The following ADAM23 variants were observed in gnomAD, a reference collection of about 807,000 sequenced individuals.
ADAM23 encodes the protein disintegrin and metalloproteinase domain-containing protein 23.
Under a neutral mutation model 120.1 loss-of-function variants are expected in ADAM23, and 33 were observed. The ratio of observed to expected loss-of-function variants is 0.27; its 90% CI spans 0.21 to 0.37. The LOEUF is 0.37. ADAM23 is among the 10% of genes least tolerant of loss of function. ADAM23 has a pLI of 1.00. For synonymous variants in ADAM23, 367 were observed against 375.2 expected (o/e 0.98, Z 0.25); for missense variants, 862 against 1,058.2 (o/e 0.81, Z 2.57).
chr2:206,580,397 G>C (rs909905183), intron 18 of ADAM23, among the ~76,000 whole-genome samples: 7 of 152,072 alleles, frequency 4.6e-5, no homozygotes, highest in African/African-American at 1.7e-4. Context: ...TCCCTTGTAT[G>C]CCGATTTTGC....
intron 2 of ADAM23, among the ~76,000 whole-genome samples, chr2:206,470,877 A>G (rs1695643272): frequency 6.6e-6 from 1 of 152,234 alleles, no homozygotes; most frequent in South Asian, 2.1e-4. Context: ...TCTCTGCCCC[A>G]GTAATGTGCA....
At chr2:206,587,592 G>C in intron 19 of ADAM23, among the ~76,000 whole-genome samples, 1 of 142,148 alleles carries the variant, frequency 7.0e-6, no homozygotes, top group South Asian at 2.3e-4. Flanking sequence ...AAAAAAAAAA[G>C]AATGTAATGG....
chr2:206,465,717 C>T (rs1695529354), intron 2 of ADAM23, among the ~76,000 whole-genome samples: 1 of 151,862 alleles, frequency 6.6e-6, no homozygotes, highest in Non-Finnish European at 1.5e-5. Flanking sequence ...GTTTTTTATT[C>T]TTTGGCACTA....
At chr2:206,587,491 AT>A in intron 19 of ADAM23, 116 bp downstream of exon 19, 1 of 718,208 alleles carries the variant, frequency 1.4e-6, no homozygotes, top group Non-Finnish European at 2.2e-6. Context: ...CAAGTAAATT[AT>A]TATAGTGGGA....
Position 206,445,326 on chromosome 2 carries a change from T to C in ADAM23, c.234T>C (p.Thr78=). 1 of 1,613,738 alleles carries C rather than the reference T, an allele frequency of 6.2e-7. No individual in the cohort carries two copies. The highest frequency in any genetic ancestry group is 1.1e-5 in the South Asian group (1 of 91,036). ...CACCAGCTCCGCATTGGAATGAAAC[T>C]GCAGAAAAAAATTTGGGAGTCCTGG... ...AAPSAPHWNE[T]AEKNLGVLAD... is the part of the protein sequence containing the mutation. Residue 78 remains threonine, a synonymous_variant, in exon 2 of 26, where the codon ACT becomes ACC. Transcript: ENST00000264377.
At chr2:206,505,361 G>C (rs1356626726) in intron 3 of ADAM23, among the ~76,000 whole-genome samples, 1 of 152,118 alleles carries the variant, frequency 6.6e-6, no homozygotes. Flanking sequence ...CAGCAACCGG[G>C]GAGATAGTTA....
At chr2:206,459,415 T>G (rs545783165) in intron 2 of ADAM23, among the ~76,000 whole-genome samples, 1 of 152,374 alleles carries the variant, frequency 6.6e-6, no homozygotes, top group African/African-American at 2.4e-5. Context: ...TTAGGATTGT[T>G]ACCCAAATAG....
intron 4 of ADAM23, among the ~76,000 whole-genome samples, chr2:206,538,122 T>G (rs905220547): frequency 5.3e-5 from 8 of 152,208 alleles, no homozygotes; most frequent in Non-Finnish European, 4.4e-5. Context: ...AAAATTTACA[T>G]AGCATTGGTA....
At chr2:206,589,642 T>G in intron 21 of ADAM23, 128 bp downstream of exon 21, 1 of 633,422 alleles carries the variant, frequency 1.6e-6, no homozygotes, top group East Asian at 2.8e-5. Context: ...TTTAAAGTAT[T>G]TATTTTTAAT....
intron 9 of ADAM23, among the ~76,000 whole-genome samples, 194 bp downstream of exon 9, chr2:206,550,354 AT>A (rs1196196877): frequency 6.6e-6 from 1 of 152,124 alleles, no homozygotes; most frequent in Non-Finnish European, 1.5e-5. Flanking sequence ...CTTTCCTTAC[AT>A]TTAATAATTA....
chr2:206,519,409 G>T (rs1327781271), intron 3 of ADAM23, among the ~76,000 whole-genome samples: 1 of 152,224 alleles, frequency 6.6e-6, no homozygotes, highest in South Asian at 2.1e-4. Context: ...TGTGATTTAG[G>T]TAAGCAAAGC....
intron 3 of ADAM23, among the ~76,000 whole-genome samples, chr2:206,505,799 G>A (rs1177128604): frequency 6.6e-6 from 1 of 152,198 alleles, no homozygotes; most frequent in African/African-American, 2.4e-5. Context: ...CTGAGGCATG[G>A]AGGAGTTAGA....
At chr2:206,554,333 A>G (rs550276591) in intron 9 of ADAM23, among the ~76,000 whole-genome samples, 4 of 152,308 alleles carry the variant, frequency 2.6e-5, no homozygotes, top group African/African-American at 9.6e-5. Flanking sequence ...GAGTCTGCAA[A>G]CATGTCTTTG....
intron 23 of ADAM23, among the ~76,000 whole-genome samples, chr2:206,595,546 C>T (rs1698508202): frequency 6.6e-6 from 1 of 152,048 alleles, no homozygotes; most frequent in Non-Finnish European, 1.5e-5. Flanking sequence ...TGGTGTTGGA[C>T]GTGGTAACGG....
intron 18 of ADAM23, among the ~76,000 whole-genome samples, chr2:206,574,541 A>C (rs919419068): frequency 6.6e-6 from 1 of 152,054 alleles, no homozygotes; most frequent in Non-Finnish European, 1.5e-5. Context: ...CAGTACACTC[A>C]CATTGATGAA....
chr2:206,544,121 A>C (rs1323984102), intron 6 of ADAM23, among the ~76,000 whole-genome samples: 2 of 152,164 alleles, frequency 1.3e-5, no homozygotes, highest in African/African-American at 4.8e-5. Flanking sequence ...ACCTATTGAA[A>C]TTAGAAAAAA....
chr2:206,533,916 T>C (rs1559251954), intron 4 of ADAM23, among the ~76,000 whole-genome samples: 1 of 152,254 alleles, frequency 6.6e-6, no homozygotes, highest in East Asian at 1.9e-4. Flanking sequence ...GAGCAATAGC[T>C]TTTGTTTAAG....
intron 3 of ADAM23, among the ~76,000 whole-genome samples, chr2:206,524,231 A>G (rs1696900946): frequency 6.6e-6 from 1 of 152,216 alleles, no homozygotes; most frequent in African/African-American, 2.4e-5. Flanking sequence ...CACATATGGA[A>G]GTAACTTACA....
intron 19 of ADAM23, 130 bp downstream of exon 19, chr2:206,587,505 C>T: frequency 1.6e-6 from 1 of 627,274 alleles, no homozygotes. Context: ...TAGTGGGATT[C>T]TAATTTAGAG....
Sources: gnomAD v4.1 joint callset for allele counts (sites outside exome capture counted in the v4.1 genomes callset) on GRCh38, gnomAD v4.1.1 for gene constraint, MANE v1.5 for transcripts, NCBI Gene and HGNC (gene_info 2026-07-23, HGNC 2026-07-21) for gene names.